Variants in KCNAB1 observed in about 807,000 individuals in gnomAD.
KCNAB1 encodes the protein potassium voltage-gated channel subfamily A regulatory beta subunit 1.
In KCNAB1, 35 loss-of-function variants were observed where a neutral mutation model predicts 64.6. The ratio of observed to expected loss-of-function variants is 0.54; its 90% CI spans 0.41 to 0.72. The LOEUF (loss-of-function observed/expected upper bound fraction) is 0.72, where lower values mean the gene tolerates loss of function less well. Among genes scored for constraint, KCNAB1 ranks in the 30% least tolerant of loss-of-function variants. The probability of loss-of-function intolerance (pLI) is 0.00; values close to 1 mark genes in which losing one functional copy is unlikely to be tolerated. For synonymous variants in KCNAB1, 177 were observed against 183.8 expected, an observed-to-expected ratio of 0.96 and a Z score of 0.30; for missense variants, 401 against 512.9, an observed-to-expected ratio of 0.78 and a Z score of 2.11.
chr3:156,136,382 GA>G (rs1714349397), intron 1 of KCNAB1, among the ~76,000 whole-genome samples: 1 of 152,196 alleles, frequency 6.6e-6, no homozygotes, highest in Admixed American at 6.5e-5. Context: ...GGCAAGATTT[GA>G]ACCCAAGCCT....
At chr3:156,317,522 G>A (rs546180379) in intron 1 of KCNAB1, among the ~76,000 whole-genome samples, 71 of 152,036 alleles carry the variant, frequency 4.7e-4, no homozygotes, top group African/African-American at 1.6e-3. Context: ...ATTAATACGT[G>A]TGGTAATAGC....
At chr3:156,124,784 T>C (rs1453848119) in intron 1 of KCNAB1, among the ~76,000 whole-genome samples, 1 of 152,126 alleles carries the variant, frequency 6.6e-6, no homozygotes, top group Non-Finnish European at 1.5e-5. Flanking sequence ...TGTTGGGTTA[T>C]TTAATGAACT....
At chr3:156,132,489 G>A (rs1577617792) in intron 1 of KCNAB1, among the ~76,000 whole-genome samples, 1 of 152,170 alleles carries the variant, frequency 6.6e-6, no homozygotes, top group African/African-American at 2.4e-5. Context: ...GGCAGCTCAT[G>A]TGTTATTCCT....
intron 1 of KCNAB1, among the ~76,000 whole-genome samples, chr3:156,147,940 G>GACACACACACACACACACACACACACAC (rs6148150): frequency 1.7e-4 from 25 of 146,048 alleles, no homozygotes; most frequent in Non-Finnish European, 2.8e-4. Context: ...CACATGCCAA[G>GACACACACACACACACACACACACACAC]ACACACACAC....
At chr3:156,323,610 G>GGAT (rs1477290853) in intron 1 of KCNAB1, among the ~76,000 whole-genome samples, 1 of 152,156 alleles carries the variant, frequency 6.6e-6, no homozygotes, top group African/African-American at 2.4e-5. Flanking sequence ...TCTGAAGAGA[G>GGAT]GATGTGAGGT....
At position 156,497,813 on chromosome 3, in the gene KCNAB1, A is replaced by G. The variant is rs546677551; in HGVS notation, c.659-16551A>G. 3.9e-5 allele frequency among the ~76,000 whole-genome samples: 6 copies of G among 152,378 alleles called. No individual in the cohort carries two copies. The East Asian group carries it at 1.2e-3, about 29-fold the overall frequency. ...CTATTCTTAGTGAGTATGTTGCCTA[A>G]TACATCACATTCTGATAGGCCCAAA... On this transcript the variant is annotated intron_variant, in intron 8 of 13. Coordinates refer to ENST00000490337, the MANE Select transcript of KCNAB1 (RefSeq NM_172160.3).
intron 1 of KCNAB1, among the ~76,000 whole-genome samples, chr3:156,307,926 C>T (rs544996245): frequency 6.6e-6 from 1 of 152,282 alleles, no homozygotes; most frequent in African/African-American, 2.4e-5. Flanking sequence ...AGGCACTGTG[C>T]CAGGCACTGT....
intron 1 of KCNAB1, among the ~76,000 whole-genome samples, chr3:156,331,235 C>T (rs938112781): frequency 3.3e-5 from 5 of 152,178 alleles, no homozygotes; most frequent in African/African-American, 4.8e-5. Context: ...ACAGCACCAG[C>T]GATCATGTAG....
intron 1 of KCNAB1, among the ~76,000 whole-genome samples, chr3:156,263,913 A>G (rs932750978): frequency 6.6e-6 from 1 of 152,158 alleles, no homozygotes; most frequent in East Asian, 1.9e-4. Flanking sequence ...CTACTCACAT[A>G]GAGTTGATTG....
intron 1 of KCNAB1, among the ~76,000 whole-genome samples, chr3:156,218,786 C>CAAAAAAAAAAAAAA (rs1228783831): frequency 1.1e-5 from 1 of 92,638 alleles, no homozygotes; most frequent in African/African-American, 4.5e-5. Flanking sequence ...CCCAGAACAG[C>CAAAAAAAAAAAAAA]AAAAAAAAAA....
chr3:156,297,441 A>G (rs1350801431), intron 1 of KCNAB1, among the ~76,000 whole-genome samples: 2 of 152,040 alleles, frequency 1.3e-5, no homozygotes, highest in African/African-American at 4.8e-5. Context: ...GTCTGCTTAC[A>G]AAGTTCTGTT....
chr3:156,223,350 T>C (rs1218495140), intron 1 of KCNAB1, among the ~76,000 whole-genome samples: 2 of 152,244 alleles, frequency 1.3e-5, no homozygotes, highest in Non-Finnish European at 2.9e-5. Flanking sequence ...TTTTATTCTC[T>C]TATCTGGCCC....
Position 156,425,994 on chromosome 3 carries a change from G to T in KCNAB1, c.319+4335G>T, listed in dbSNP as rs541608679. On this transcript the variant is annotated intron_variant, in intron 2 of 13. Transcript: ENST00000490337. ...GGCGACTCCAGAGGGAGACTCCACC[G>T]AGGGGAGGTACTTGGGGAAATGGGT... Among the ~76,000 whole-genome samples the T allele has an allele frequency of 1.6e-4, 24 of 152,298 alleles. No individual in the cohort carries two copies. The South Asian group carries it at 4.8e-3, about 30-fold the overall frequency.
At chr3:156,137,755 C>T (rs1216746043) in intron 1 of KCNAB1, among the ~76,000 whole-genome samples, 1 of 150,926 alleles carries the variant, frequency 6.6e-6, no homozygotes, top group Non-Finnish European at 1.5e-5. Context: ...GAGGTTTCAC[C>T]ATGTTAGCCA....
chr3:156,256,213 T>G (rs1361220437), intron 1 of KCNAB1, among the ~76,000 whole-genome samples: 2 of 152,268 alleles, frequency 1.3e-5, no homozygotes, highest in African/African-American at 4.8e-5. Context: ...GTATTCCTGA[T>G]TTAATCTTAA....
In KCNAB1 at chr3:156,120,664, C is replaced by T. The variant is rs756537194; in HGVS notation, c.53C>T (p.Thr18Ile). The T allele has an allele frequency of 1.7e-5, 27 of 1,614,056 alleles. No individual in the cohort carries two copies. The African/African-American group carries it at 3.2e-4, about 19-fold the overall frequency. ...AAGSQISEEN[T>I]KLRRQSGFSV... The stretch of plus-strand genomic sequence containing the variant: ...GGGAGTCAGATCTCAGAGGAGAACA[C>T]CAAGTTAAGGAGACAGTCTGGGTTT... The change falls in exon 1 of 14, where the codon ACC becomes ATC. Residue 18 changes from threonine to isoleucine, a missense_variant. Coordinates refer to ENST00000490337, the MANE Select transcript of KCNAB1 (RefSeq NM_172160.3).
At chr3:156,518,460 AG>A (rs1347037079) in intron 11 of KCNAB1, among the ~76,000 whole-genome samples, 1 of 107,274 alleles carries the variant, frequency 9.3e-6, no homozygotes, top group Admixed American at 8.6e-5. Flanking sequence ...AAAGAGAAAG[AG>A]AAAGAAAAGA....
intron 1 of KCNAB1, among the ~76,000 whole-genome samples, chr3:156,169,014 C>T (rs1205279587): frequency 2.2e-5 from 2 of 89,238 alleles, no homozygotes; most frequent in African/African-American, 3.7e-5. Context: ...TTTCTATGAA[C>T]ACTGATGCTA....
chr3:156,226,338 C>T (rs1036346706), intron 1 of KCNAB1, among the ~76,000 whole-genome samples: 4 of 152,098 alleles, frequency 2.6e-5, no homozygotes, highest in African/African-American at 9.7e-5. Context: ...ACAAACGGTG[C>T]TGGGATAATT....
Sources: gnomAD v4.1 joint callset for allele counts (sites outside exome capture counted in the v4.1 genomes callset) on GRCh38, gnomAD v4.1.1 for gene constraint, MANE v1.5 for transcripts, NCBI Gene and HGNC (gene_info 2026-07-23, HGNC 2026-07-21) for gene names.